Variants in KLHL29 observed in about 807,000 individuals in gnomAD.
The protein encoded by KLHL29 is kelch-like protein 29.
A neutral mutation model predicts 80.4 loss-of-function variants in KLHL29; 21 were observed. The ratio of observed to expected loss-of-function variants is 0.26; its 90% CI spans 0.19 to 0.38. The LOEUF (loss-of-function observed/expected upper bound fraction) is 0.38, where lower values mean the gene tolerates loss of function less well. Among genes scored for constraint, KLHL29 ranks in the 10% least tolerant of loss-of-function variants. The pLI is 1.00. For synonymous variants in KLHL29, 511 were observed against 526.8 expected, an observed-to-expected ratio of 0.97 and a Z score of 0.41; for missense variants, 867 against 1,223.9, an observed-to-expected ratio of 0.71 and a Z score of 4.35.
chr2:23,640,610 T>C (rs895846115), intron 4 of KLHL29, among the ~76,000 whole-genome samples: 9 of 152,210 alleles, frequency 5.9e-5, no homozygotes, highest in Non-Finnish European at 1.0e-4. Context: ...CATTCTAGAA[T>C]CTTGCCATTA....
rs138253199 is a variant in KLHL29, at chr2:23,623,300, G to A, written c.286-15839G>A. Among the ~76,000 whole-genome samples the A allele has an allele frequency of 7.7e-4, 117 of 152,286 alleles. 1 individual carries two copies. The highest frequency in any genetic ancestry group is 2.5e-3 in the African/African-American group (102 of 41,562). ...GTGCTGGCCTGTCCCCTGCAATGGCGATGAGCCCTGGGAGCCATGCACCCA... is the reference window on the plus strand; with the variant it reads ...GTGCTGGCCTGTCCCCTGCAATGGCAATGAGCCCTGGGAGCCATGCACCCA... On this transcript the variant is annotated intron_variant, in intron 3 of 13. Coordinates refer to ENST00000486442, the MANE Select transcript of KLHL29 (RefSeq NM_052920.2).
At chr2:23,576,878 C>T (rs1667855927) in intron 3 of KLHL29, among the ~76,000 whole-genome samples, 1 of 152,238 alleles carries the variant, frequency 6.6e-6, no homozygotes, top group Non-Finnish European at 1.5e-5. Flanking sequence ...CTGGCCCCCT[C>T]AGTGGCAAAG....
intron 1 of KLHL29, among the ~76,000 whole-genome samples, chr2:23,441,955 T>C (rs1478844921): frequency 6.6e-6 from 1 of 152,190 alleles, no homozygotes; most frequent in African/African-American, 2.4e-5. Context: ...CTCCCAAAGA[T>C]GTCCATGTCC....
intron 1 of KLHL29, among the ~76,000 whole-genome samples, chr2:23,467,260 C>T (rs1664377884): frequency 6.6e-6 from 1 of 152,198 alleles, no homozygotes; most frequent in African/African-American, 2.4e-5. Flanking sequence ...GATCACAGAG[C>T]CACAGTGCGA....
intron 2 of KLHL29, among the ~76,000 whole-genome samples, chr2:23,546,313 C>G (rs768161186): frequency 1.6e-4 from 25 of 152,164 alleles, no homozygotes; most frequent in Non-Finnish European, 2.5e-4. Flanking sequence ...ACAGGGGACC[C>G]TGCAGAATGA....
intron 3 of KLHL29, chr2:23,616,698 C>T (rs1217897856): frequency 6.6e-6 from 1 of 152,186 alleles, no homozygotes; most frequent in Non-Finnish European, 1.5e-5. Flanking sequence ...GAGATCTTAT[C>T]CCTTTCTGGA....
intron 3 of KLHL29, among the ~76,000 whole-genome samples, chr2:23,615,314 T>C (rs895698806): frequency 4.6e-5 from 7 of 152,214 alleles, no homozygotes; most frequent in African/African-American, 1.7e-4. Context: ...CCATTTTCAC[T>C]GAACCGGGTG....
chr2:23,571,152 T>C (rs1002638476), intron 3 of KLHL29, among the ~76,000 whole-genome samples: 1 of 152,240 alleles, frequency 6.6e-6, no homozygotes, highest in Non-Finnish European at 1.5e-5. Flanking sequence ...CACACCCAGT[T>C]GAGGGCCAGA....
Position 23,621,915 on chromosome 2 carries a change from A to G in KLHL29, c.286-17224A>G, listed in dbSNP as rs1572445316. On this transcript the variant is annotated intron_variant, in intron 3 of 13. Coordinates refer to ENST00000486442, the MANE Select transcript of KLHL29 (RefSeq NM_052920.2). ...TCCCTGGGAGCGTGAAGGTGGAGAC[A>G]CTGGCCACCAGTATGACAGCTTGTG... Among the ~76,000 whole-genome samples, 4 of 152,300 alleles carry G rather than the reference A, an allele frequency of 2.6e-5. No homozygotes were observed. In the South Asian group the frequency reaches 8.3e-4, roughly 32 times the overall value.
In KLHL29 at chr2:23,415,685, G is replaced by A. The variant is rs1196393202; in HGVS notation, c.-154+29905G>A. Among the ~76,000 whole-genome samples, 3 of 151,900 alleles carry A rather than the reference G, an allele frequency of 2.0e-5. No individual in the cohort carries two copies. The South Asian group carries it at 6.3e-4, about 32-fold the overall frequency. On this transcript the variant is annotated intron_variant, in intron 1 of 13. Coordinates refer to ENST00000486442, the MANE Select transcript of KLHL29 (RefSeq NM_052920.2). ...CCCTTAGTCTGTTTATGTATCCTTA[G>A]ATCTAAAGGTAGTCTTTTTATTTTT...
At chr2:23,599,629 C>G (rs1430153832) in intron 3 of KLHL29, among the ~76,000 whole-genome samples, 1 of 151,588 alleles carries the variant, frequency 6.6e-6, no homozygotes, top group Non-Finnish European at 1.5e-5. Context: ...TATACACAGA[C>G]AAAACACATA....
At chr2:23,660,891 C>T (rs1419055900) in intron 5 of KLHL29, among the ~76,000 whole-genome samples, 8 of 152,010 alleles carry the variant, frequency 5.3e-5, no homozygotes, top group Admixed American at 3.9e-4. Flanking sequence ...GTCAGCCAGG[C>T]GTGGTGGCAG....
At position 23,647,508 on chromosome 2, in the gene KLHL29, G is replaced by A. The variant is rs572049857; in HGVS notation, c.940+4658G>A. 1.1e-4 allele frequency among the ~76,000 whole-genome samples: 17 copies of A among 152,234 alleles called. No individual in the cohort carries two copies. The highest frequency in any genetic ancestry group is 3.9e-4 in the East Asian group (2 of 5,182). ...TAGCACTAAGTCTGAAAACTCAATC[G>A]ATTCAGGTTTCTACATATGTCCTCT... On this transcript the variant is annotated intron_variant, in intron 5 of 13. Transcript: ENST00000486442. The surrounding 1 kb of genome is among the most constrained non-coding windows in gnomAD (Gnocchi z 4.9).
chr2:23,412,134 G>T (rs59743602), intron 1 of KLHL29, among the ~76,000 whole-genome samples: 2 of 140,454 alleles, frequency 1.4e-5, no homozygotes, highest in Admixed American at 7.1e-5. Context: ...GGGGGGGGGG[G>T]GCGGTGCGGT....
At chr2:23,612,118 T>G (rs899488405) in intron 3 of KLHL29, among the ~76,000 whole-genome samples, 2 of 152,162 alleles carry the variant, frequency 1.3e-5, no homozygotes, top group Admixed American at 1.3e-4. Context: ...TGTTGAAAGA[T>G]ATCAAGTCAT....
chr2:23,638,015 G>A (rs923444236), intron 3 of KLHL29, among the ~76,000 whole-genome samples: 23 of 147,188 alleles, frequency 1.6e-4, no homozygotes, highest in African/African-American at 5.8e-4. Context: ...GCATATCCCA[G>A]GTATCCTATC....
At chr2:23,401,505 G>A (rs1468548385) in intron 1 of KLHL29, among the ~76,000 whole-genome samples, 4 of 152,218 alleles carry the variant, frequency 2.6e-5, no homozygotes, top group African/African-American at 9.6e-5. Flanking sequence ...TATGGTGTCT[G>A]AGCCTATACA....
chr2:23,489,288 A>G (rs1665026212), intron 2 of KLHL29, among the ~76,000 whole-genome samples: 1 of 152,082 alleles, frequency 6.6e-6, no homozygotes, highest in African/African-American at 2.4e-5. Context: ...TGGTCCTTCT[A>G]CAGAAAGCCC....
intron 1 of KLHL29, among the ~76,000 whole-genome samples, chr2:23,468,462 T>G (rs1664409960): frequency 6.6e-6 from 1 of 152,200 alleles, no homozygotes; most frequent in Non-Finnish European, 1.5e-5. Context: ...TTTTACCCTG[T>G]GAAGCCATTC....
Sources: allele counts gnomAD v4.1 joint callset (sites outside exome capture counted in the v4.1 genomes callset), GRCh38; gene constraint gnomAD v4.1.1; non-coding constraint Gnocchi (gnomAD v3.1); transcripts MANE v1.5; gene names NCBI Gene and HGNC (gene_info 2026-07-23, HGNC 2026-07-21).